GPC5: variants seen among roughly 807,000 people sequenced by gnomAD.
GPC5 encodes glypican 5.
GPC5 carries 47 observed loss-of-function variants against 53.9 expected under a neutral mutation model. The observed-to-expected ratio is 0.87, with a 90% CI of 0.69 to 1.11. The LOEUF is 1.11. Ranked by LOEUF, GPC5 falls within the 50% of genes most tolerant of loss-of-function variation. GPC5 has a pLI of 0.00. For missense variants in GPC5, 748 were observed against 713.1 expected (o/e 1.05, Z -0.56); for synonymous variants, 286 against 263.3 (o/e 1.09, Z -0.84).
intron 6 of GPC5, among the ~76,000 whole-genome samples, chr13:92,061,689 C>T (rs986807431): frequency 2.0e-5 from 3 of 151,894 alleles, no homozygotes; most frequent in African/African-American, 7.3e-5. Context: ...GAACACAGAA[C>T]AGTCATGCTG....
intron 7 of GPC5, among the ~76,000 whole-genome samples, chr13:92,419,448 C>T (rs995454811): frequency 6.6e-6 from 1 of 152,124 alleles, no homozygotes; most frequent in Non-Finnish European, 1.5e-5. Context: ...TCAGATTAAT[C>T]GTGATCCTGT....
intron 2 of GPC5, among the ~76,000 whole-genome samples, chr13:91,674,590 T>C (rs887788061): frequency 1.1e-4 from 16 of 147,900 alleles, no homozygotes; most frequent in Admixed American, 5.4e-4. Flanking sequence ...CGTATGTGTA[T>C]ATATACGCAT....
chr13:91,985,502 C>T (rs1246163604), intron 6 of GPC5, among the ~76,000 whole-genome samples: 1 of 151,426 alleles, frequency 6.6e-6, no homozygotes, highest in Non-Finnish European at 1.5e-5. Flanking sequence ...GTTTCATCTG[C>T]TCTTTTATTT....
At chr13:91,613,094 A>G (rs1333578464) in intron 2 of GPC5, among the ~76,000 whole-genome samples, 1 of 152,234 alleles carries the variant, frequency 6.6e-6, no homozygotes, top group Admixed American at 6.5e-5. Flanking sequence ...GTTTTACCTG[A>G]CATAGGATTG....
chr13:92,222,596 A>G (rs2139089753), intron 7 of GPC5, among the ~76,000 whole-genome samples: 1 of 152,114 alleles, frequency 6.6e-6, no homozygotes, highest in South Asian at 2.1e-4. Flanking sequence ...CATCCTTAAG[A>G]TTTGTCAGGA....
At chr13:92,569,352 A>G (rs1882955507) in intron 7 of GPC5, among the ~76,000 whole-genome samples, 1 of 151,980 alleles carries the variant, frequency 6.6e-6, no homozygotes, top group Non-Finnish European at 1.5e-5. Context: ...AGGCTAAGTG[A>G]CTTGCTCTAA....
At chr13:92,620,414 G>T (rs927431319) in intron 7 of GPC5, among the ~76,000 whole-genome samples, 1 of 152,128 alleles carries the variant, frequency 6.6e-6, no homozygotes, top group African/African-American at 2.4e-5. Flanking sequence ...ACACACATCA[G>T]AGTTCTCCAG....
intron 5 of GPC5, among the ~76,000 whole-genome samples, chr13:91,783,584 C>A (rs1266870905): frequency 1.3e-5 from 2 of 152,016 alleles, no homozygotes; most frequent in Non-Finnish European, 2.9e-5. Flanking sequence ...TAGGCACATG[C>A]CACCATGCCC....
chr13:91,525,148 G>A (rs1307290591), intron 2 of GPC5, among the ~76,000 whole-genome samples: 1 of 152,050 alleles, frequency 6.6e-6, no homozygotes, highest in Non-Finnish European at 1.5e-5. Flanking sequence ...AACGAACTAT[G>A]TATTTTTCAC....
chr13:91,770,485 G>C (rs1024943182), intron 5 of GPC5, among the ~76,000 whole-genome samples: 1 of 152,044 alleles, frequency 6.6e-6, no homozygotes, highest in Non-Finnish European at 1.5e-5. Flanking sequence ...GAGGCCATCA[G>C]AAATTATCTC....
Position 92,081,195 on chromosome 13 carries a change from G to A in GPC5, c.1402-63635G>A, listed in dbSNP as rs141478637. On this transcript the variant is annotated intron_variant, in intron 6 of 7. Coordinates refer to ENST00000377067, the MANE Select transcript of GPC5 (RefSeq NM_004466.6). Reference sequence around the variant, plus strand: ...ACGATCACTGCAACTTCCGCCTCCCGGGTTCGAGTGATTCTCCCACCTCAG... The same window carrying A: ...ACGATCACTGCAACTTCCGCCTCCCAGGTTCGAGTGATTCTCCCACCTCAG... Among the ~76,000 whole-genome samples, 8 of 152,086 alleles carry A rather than the reference G, an allele frequency of 5.3e-5. No homozygotes were observed. In the East Asian group the frequency reaches 9.7e-4, roughly 18 times the overall value.
chr13:92,546,826 A>G, intron 7 of GPC5, among the ~76,000 whole-genome samples: 1 of 152,184 alleles, frequency 6.6e-6, no homozygotes, highest in South Asian at 2.1e-4. Context: ...AGAGATATAG[A>G]CCAATGGAAC....
intron 7 of GPC5, among the ~76,000 whole-genome samples, chr13:92,362,431 T>C (rs1051288358): frequency 6.6e-6 from 1 of 151,808 alleles, no homozygotes; most frequent in African/African-American, 2.4e-5. Context: ...ACAAAGAGAC[T>C]ATTACTAGCT....
At chr13:92,819,259 A>G (rs1877593381) in intron 7 of GPC5, among the ~76,000 whole-genome samples, 1 of 151,360 alleles carries the variant, frequency 6.6e-6, no homozygotes, top group African/African-American at 2.4e-5. Context: ...TGTAGAAGAT[A>G]CCTAGCACAT....
chr13:92,350,397 T>C (rs2043466038), intron 7 of GPC5, among the ~76,000 whole-genome samples: 1 of 152,106 alleles, frequency 6.6e-6, no homozygotes, highest in Non-Finnish European at 1.5e-5. Context: ...AATTAGTCAA[T>C]AGAGAAATAA....
intron 6 of GPC5, among the ~76,000 whole-genome samples, chr13:92,057,275 C>T (rs1253471105): frequency 6.6e-6 from 1 of 150,802 alleles, no homozygotes; most frequent in Non-Finnish European, 1.5e-5. Flanking sequence ...TATGAAGTGA[C>T]AGAAATGTGG....
At chr13:91,752,111 T>G (rs1032604456) in intron 4 of GPC5, among the ~76,000 whole-genome samples, 4 of 152,238 alleles carry the variant, frequency 2.6e-5, no homozygotes, top group Non-Finnish European at 4.4e-5. Context: ...TCTGTGCCTG[T>G]GTGTCCCTGG....
intron 3 of GPC5, among the ~76,000 whole-genome samples, chr13:91,711,286 TG>T (rs1365711016): frequency 2.6e-5 from 4 of 152,006 alleles, no homozygotes; most frequent in African/African-American, 9.7e-5. Context: ...AAAAAAAGGA[TG>T]AGTTCATGTC....
chr13:92,251,493 G>C (rs952687425), intron 7 of GPC5, among the ~76,000 whole-genome samples: 7 of 152,048 alleles, frequency 4.6e-5, no homozygotes, highest in African/African-American at 1.7e-4. Context: ...ATTATCCTTG[G>C]GGTGTAGCCT....
Sources: allele counts gnomAD v4.1 joint callset (sites outside exome capture counted in the v4.1 genomes callset), GRCh38; gene constraint gnomAD v4.1.1; transcripts MANE v1.5; gene names NCBI Gene and HGNC (gene_info 2026-07-23, HGNC 2026-07-21).